IQCE: variants seen among roughly 807,000 people sequenced by gnomAD.
IQCE encodes the protein IQ motif containing E.
In IQCE, 115 loss-of-function variants were observed where a neutral mutation model predicts 96.0. The observed-to-expected ratio is 1.20, with a 90% CI of 1.03 to 1.40. The LOEUF is 1.40. Ranked by LOEUF, IQCE falls within the 40% of genes most tolerant of loss-of-function variation. IQCE has a pLI of 0.00. For synonymous variants in IQCE, 412 were observed against 371.2 expected (o/e 1.11, Z -1.26); for missense variants, 1,041 against 909.1 (o/e 1.15, Z -1.87).
rs1785083413 is a variant in IQCE, at chr7:2,611,110, T to TGGCTGGGCTGGGCGGGGCTG, written c.*961_*962insGGGGCTGGGCTGGGCTGGGC. The TGGCTGGGCTGGGCGGGGCTG allele has an allele frequency of 2.7e-5, 1 of 36,606 alleles. No homozygotes were observed. The highest frequency in any genetic ancestry group is 8.9e-4 in the South Asian group (1 of 1,126). 2.3% of individuals were successfully genotyped at this position (36,606 alleles called of 1,614,324 possible). A position where few individuals can be genotyped will look rare whatever the true frequency, so the allele number is the denominator to read the frequency against. ...GCGGCCTCTGCACTCCCAAGCTCCA[T>TGGCTGGGCTGGGCGGGGCTG]GGCTGGGCTGGGCTGGGCTGGGCTG... On this transcript the variant is annotated 3_prime_UTR_variant, in exon 22 of 22. Transcript: ENST00000402050.
chr7:2,605,984 C>G lies in IQCE; in HGVS notation c.1852C>G (p.Arg618Gly), dbSNP rs367712182. ...GTCCGCTCTGCGGGCACACCTGGCC[C>G]GGGCCAGGCACAGGTGAGTCAGGGT... ...IQSALRAHLA[R>G]ARHSATGKRT... is the part of the protein sequence containing the mutation. Residue 618 changes from arginine to glycine, a missense_variant, in exon 20 of 22, where the codon CGG (arginine) becomes GGG (glycine). Physicochemically the swap from Arg to Gly is moderately radical, Grantham distance 125. Transcript: ENST00000402050. The G allele has an allele frequency of 1.2e-6, 2 of 1,608,976 alleles. No homozygotes were observed. The highest frequency in any genetic ancestry group is 8.5e-7 in the Non-Finnish European group (1 of 1,178,416).
Position 2,578,314 on chromosome 7 carries a change from A to T in IQCE, c.538A>T (p.Arg180Trp), listed in dbSNP as rs367734719. 7 of 1,614,070 alleles carry T rather than the reference A, an allele frequency of 4.3e-6. 1 individual carries two copies. The South Asian group carries it at 5.5e-5, about 13-fold the overall frequency. The change falls in exon 7 of 22, where the codon AGG becomes TGG. Residue 180 changes from arginine to tryptophan, a missense_variant. Physicochemically the swap from Arg to Trp is moderately radical, Grantham distance 101. Coordinates refer to ENST00000402050, the MANE Select transcript of IQCE (RefSeq NM_152558.5). Reference protein sequence around the residue: ...KLRRLEEENSRKDRQIEQLLD... With the variant: ...KLRRLEEENSWKDRQIEQLLD... ...CCGGCGCCTGGAGGAGGAAAACAGC[A>T]GGAAGGACCGGCAGATAGAGCAGCT...
intron 21 of IQCE, among the ~76,000 whole-genome samples, chr7:2,609,414 G>C (rs1000097316): frequency 6.6e-6 from 1 of 151,890 alleles, no homozygotes; most frequent in Non-Finnish European, 1.5e-5. Context: ...CAGAGTCCTG[G>C]GGTTACAGGC....
chr7:2,580,600 G>A (rs1782588520), intron 8 of IQCE, among the ~76,000 whole-genome samples: 1 of 151,804 alleles, frequency 6.6e-6, no homozygotes, highest in Non-Finnish European at 1.5e-5. Context: ...CTACAAGAGT[G>A]AAACTCTGTC....
intron 15 of IQCE, among the ~76,000 whole-genome samples, chr7:2,594,499 A>T (rs1013766604): frequency 6.6e-6 from 1 of 152,234 alleles, no homozygotes; most frequent in Non-Finnish European, 1.5e-5. Flanking sequence ...GGCTCAAGCG[A>T]TCCTCTGGCC....
At chr7:2,573,573 G>A in intron 6 of IQCE, 85 bp downstream of exon 6, 1 of 755,416 alleles carries the variant, frequency 1.3e-6, no homozygotes, top group Non-Finnish European at 2.3e-6. Flanking sequence ...CCTGTGCTGG[G>A]AGGTGCCCAG....
chr7:2,603,151 A>G (rs1305186411), intron 18 of IQCE, among the ~76,000 whole-genome samples: 1 of 152,096 alleles, frequency 6.6e-6, no homozygotes, highest in Non-Finnish European at 1.5e-5. Context: ...ATCCTCCAGC[A>G]GCCCTCAGGC....
intron 6 of IQCE, among the ~76,000 whole-genome samples, chr7:2,575,405 C>T (rs574941562): frequency 1.3e-5 from 2 of 152,368 alleles, no homozygotes; most frequent in Admixed American, 1.3e-4. Context: ...AGGGAAGGTG[C>T]TGACACCGCC....
rs78049930 is a variant in IQCE, at chr7:2,607,171, C to T, written c.1913C>T (p.Ser638Leu). The T allele has an allele frequency of 2.2e-5, 36 of 1,612,522 alleles. No homozygotes were observed. The highest frequency in any genetic ancestry group is 1.6e-4 in the African/African-American group (12 of 74,902). The change falls in exon 21 of 22, where the codon TCG becomes TTG. Residue 638 changes from serine to leucine, a missense_variant. By Grantham distance (145) the Ser-to-Leu change is moderately radical (BLOSUM62 -2). Coordinates refer to ENST00000402050, the MANE Select transcript of IQCE (RefSeq NM_152558.5). Reference sequence around the variant, plus strand: ...ACCGCAGCTTCTACCAGGAGGAGATCGGCTTCAGCCACACACGGGGACGCC... The same window carrying T: ...ACCGCAGCTTCTACCAGGAGGAGATTGGCTTCAGCCACACACGGGGACGCC... ...TTTAASTRRR[S>L]ASATHGDASS...
At position 2,589,920 on chromosome 7, in the gene IQCE, T is replaced by C. The variant is rs1220847674; in HGVS notation, c.1058T>C (p.Met353Thr). The C allele has an allele frequency of 3.1e-6, 5 of 1,613,872 alleles. No individual in the cohort carries two copies. Among genetic ancestry groups the C allele is most frequent in the Non-Finnish European group, 3.4e-6 (4 of 1,180,010 alleles). ...TGTTGCCTCCAGAAACTAAGTGTGATGGAGAGCTCAAAATCACACGCCGCA... is the reference window on the plus strand; with the variant it reads ...TGTTGCCTCCAGAAACTAAGTGTGACGGAGAGCTCAAAATCACACGCCGCA... ...IVELEKKLSV[M>T]ESSKSHAAEP... Residue 353 changes from methionine to threonine, a missense_variant, in exon 14 of 22, where the codon ATG becomes ACG. Met to Thr is a moderately conservative substitution (Grantham distance 81). Transcript: ENST00000402050.
In IQCE at chr7:2,587,290, C is replaced by T. The variant is rs544461930; in HGVS notation, c.989-532C>T. Among the ~76,000 whole-genome samples the T allele has an allele frequency of 2.1e-4, 32 of 151,898 alleles. 1 individual carries two copies. Among genetic ancestry groups the T allele is most frequent in the African/African-American group, 5.6e-4 (23 of 41,402 alleles). Reference sequence around the variant, plus strand: ...GCCAGGCAGTGGCTGTGTGGGGGTGCGAGGCAGAGGCCTGGGCTGGAGAAC... The same window carrying T: ...GCCAGGCAGTGGCTGTGTGGGGGTGTGAGGCAGAGGCCTGGGCTGGAGAAC... On this transcript the variant is annotated intron_variant, in intron 12 of 21. Coordinates refer to ENST00000402050, the MANE Select transcript of IQCE (RefSeq NM_152558.5).
intron 16 of IQCE, 145 bp downstream of exon 16, chr7:2,595,121 C>G: frequency 3.1e-6 from 2 of 651,332 alleles, no homozygotes; most frequent in Non-Finnish European, 5.6e-6. Flanking sequence ...ATTTCTATAA[C>G]TCATGTCGTG....
chr7:2,573,086 G>A (rs1208689146), intron 5 of IQCE, among the ~76,000 whole-genome samples: 2 of 152,114 alleles, frequency 1.3e-5, no homozygotes, highest in African/African-American at 4.8e-5. Flanking sequence ...TTTGTGTTTG[G>A]TATTTGTTTG....
rs1375097612 is a variant in IQCE at position 2,610,471 on chromosome 7, C to T, written c.*309C>T. On this transcript the variant is annotated 3_prime_UTR_variant, in exon 22 of 22. Transcript: ENST00000402050. ...CCAGGGAGCCCTGTAGTGACACGTT[C>T]TCTGACAGCACCTTGCCGCCTGCCC... 1 of 270,622 alleles carries T rather than the reference C, an allele frequency of 3.7e-6. No individual in the cohort carries two copies. The highest frequency in any genetic ancestry group is 2.2e-5 in the African/African-American group (1 of 44,854). 16.8% of individuals were successfully genotyped at this position (270,622 alleles called of 1,614,324 possible).
chr7:2,565,801 GA>G (rs1781329212), intron 1 of IQCE, among the ~76,000 whole-genome samples: 1 of 152,124 alleles, frequency 6.6e-6, no homozygotes, highest in Non-Finnish European at 1.5e-5. Flanking sequence ...TATAAAAAAT[GA>G]TATAAAAAAT....
chr7:2,590,282 C>T lies in IQCE; in HGVS notation c.1244+176C>T, dbSNP rs577408186. On this transcript the variant is annotated intron_variant, in intron 14 of 21. Transcript: ENST00000402050. Reference sequence around the variant, plus strand: ...ACAGGTGCTGCAGAGAGAGTAGATCCTCCCCAGGCCCCACCAGCAGCCTCA... The same window carrying T: ...ACAGGTGCTGCAGAGAGAGTAGATCTTCCCCAGGCCCCACCAGCAGCCTCA... 2.0e-5 allele frequency among the ~76,000 whole-genome samples: 3 copies of T among 152,342 alleles called. No individual in the cohort carries two copies. The South Asian group carries it at 6.2e-4, about 32-fold the overall frequency.
intron 8 of IQCE, among the ~76,000 whole-genome samples, chr7:2,579,729 G>GTC (rs1554307274): frequency 0.021 from 3,104 of 147,882 alleles, 207 homozygotes; most frequent in African/African-American, 0.063. Context: ...GTGTGTGTGT[G>GTC]TGTGTGTGTC....
rs115911673 is a variant in IQCE, at chr7:2,601,951, A to C, written c.1632+487A>C. 684 of 162,446 alleles carry C rather than the reference A, an allele frequency of 4.2e-3. 6 individuals carry two copies. The highest frequency in any genetic ancestry group is 0.015 in the African/African-American group (636 of 41,620). 10.1% of individuals were successfully genotyped at this position (162,446 alleles called of 1,614,324 possible). ...ATATTTCGATAATTTCCCACTTTCA[A>C]AATCTCTTCATTCATTCCTTCCTTC... is the stretch of plus-strand genomic sequence containing the variant. On this transcript the variant is annotated intron_variant, in intron 18 of 21. Transcript: ENST00000402050.
At chr7:2,596,441 A>G (rs1784049882) in intron 16 of IQCE, among the ~76,000 whole-genome samples, 1 of 140,356 alleles carries the variant, frequency 7.1e-6, no homozygotes, top group Non-Finnish European at 1.5e-5. Context: ...TATTGTCTGA[A>G]TTTTTCGTAA....
Sources: gnomAD v4.1 joint callset for allele counts (sites outside exome capture counted in the v4.1 genomes callset) on GRCh38, gnomAD v4.1.1 for gene constraint, MANE v1.5 for transcripts, NCBI Gene and HGNC (gene_info 2026-07-23, HGNC 2026-07-21) for gene names.